Variants in SLCO5A1 observed in about 807,000 individuals in gnomAD.
The protein encoded by SLCO5A1 is organic anion transporter polypeptide-related protein 4.
SLCO5A1 carries 39 observed loss-of-function variants against 65.1 expected under a neutral mutation model. The observed-to-expected ratio is 0.60, with a 90% CI of 0.46 to 0.78. SLCO5A1 has a LOEUF of 0.78. Ranked by LOEUF, SLCO5A1 falls within the 30% of genes least tolerant of loss-of-function variation. SLCO5A1 has a pLI of 0.00. For missense variants in SLCO5A1, 1,029 were observed against 1,069.4 expected, an observed-to-expected ratio of 0.96 and a Z score of 0.53; for synonymous variants, 438 against 415.7, an observed-to-expected ratio of 1.05 and a Z score of -0.65.
chr8:69,777,432 A>C (rs895723229), intron 2 of SLCO5A1, among the ~76,000 whole-genome samples: 1 of 145,582 alleles, frequency 6.9e-6, no homozygotes, highest in Non-Finnish European at 1.5e-5. Flanking sequence ...AAAGAGGCCC[A>C]AAACCACTCT....
chr8:69,785,621 A>C lies in SLCO5A1; in HGVS notation c.908-23746T>G, dbSNP rs112925746. ...TTTGAAGAAGCTGTCTGATCTTTGA[A>C]ATAGTAAGAAATGTACCCAAGTCAC... On this transcript the variant is annotated intron_variant, in intron 2 of 9. Coordinates refer to ENST00000260126, the MANE Select transcript of SLCO5A1 (RefSeq NM_030958.3). Among the ~76,000 whole-genome samples the C allele has an allele frequency of 3.6e-3, 551 of 152,304 alleles. 4 individuals are homozygous for C. Among genetic ancestry groups the C allele is most frequent in the African/African-American group, 0.012 (507 of 41,574 alleles).
At chr8:69,808,353 T>G (rs548383180) in intron 2 of SLCO5A1, among the ~76,000 whole-genome samples, 13 of 152,238 alleles carry the variant, frequency 8.5e-5, no homozygotes, top group Non-Finnish European at 1.9e-4. Flanking sequence ...GGCCCCAGTG[T>G]GTGTTGTTAC....
chr8:69,812,979 T>C (rs114368109), intron 2 of SLCO5A1, among the ~76,000 whole-genome samples: 1 of 152,200 alleles, frequency 6.6e-6, no homozygotes, highest in Non-Finnish European at 1.5e-5. Context: ...TCAGGACACA[T>C]TCCCTTTCCA....
Position 69,672,731 on chromosome 8 carries a change from T to C in SLCO5A1, c.*138A>G. 1 of 896,570 alleles carries C rather than the reference T, an allele frequency of 1.1e-6. No individual in the cohort carries two copies. Among genetic ancestry groups the C allele is most frequent in the Non-Finnish European group, 1.6e-6 (1 of 608,262 alleles). The allele number at this position is 896,570 out of a possible 1,614,324, so 55.5% of individuals were successfully genotyped here. A position where few individuals can be genotyped will look rare whatever the true frequency, so the allele number is the denominator to read the frequency against. ...TCCAGCCCTCAATGAATAGCGGCTG[T>C]GTATACTGAGTTTTGTTGGTTTGAG... On this transcript the variant is annotated 3_prime_UTR_variant, in exon 10 of 10. Coordinates refer to ENST00000260126, the MANE Select transcript of SLCO5A1 (RefSeq NM_030958.3).
At chr8:69,690,791 C>A (rs1255891435) in intron 6 of SLCO5A1, among the ~76,000 whole-genome samples, 2 of 152,176 alleles carry the variant, frequency 1.3e-5, no homozygotes, top group East Asian at 3.8e-4. Flanking sequence ...GAAAACTCTT[C>A]CTGGTCATTT....
chr8:69,816,241 C>T (rs978983094), intron 2 of SLCO5A1, among the ~76,000 whole-genome samples: 1 of 152,064 alleles, frequency 6.6e-6, no homozygotes, highest in African/African-American at 2.4e-5. Flanking sequence ...GTCCTAAACA[C>T]GATGAAATAC....
intron 6 of SLCO5A1, among the ~76,000 whole-genome samples, chr8:69,691,394 C>T (rs1180568204): frequency 6.6e-6 from 1 of 152,078 alleles, no homozygotes. Context: ...TTTAAGTGTA[C>T]AATACAGTAT....
At chr8:69,767,601 G>A (rs1818116513) in intron 2 of SLCO5A1, among the ~76,000 whole-genome samples, 1 of 152,088 alleles carries the variant, frequency 6.6e-6, no homozygotes. Context: ...ATAAGAATAA[G>A]CTGTTTTAGG....
intron 4 of SLCO5A1, among the ~76,000 whole-genome samples, chr8:69,739,592 C>A (rs1816710834): frequency 6.6e-6 from 1 of 152,024 alleles, no homozygotes; most frequent in Non-Finnish European, 1.5e-5. Context: ...TAATTCATAG[C>A]CTCCTGTTGA....
intron 6 of SLCO5A1, among the ~76,000 whole-genome samples, chr8:69,699,615 C>A (rs1253959208): frequency 6.6e-6 from 1 of 152,084 alleles, no homozygotes; most frequent in East Asian, 1.9e-4. Flanking sequence ...CATGAGCAAG[C>A]TAAGGATCAC....
intron 2 of SLCO5A1, among the ~76,000 whole-genome samples, chr8:69,816,819 A>G (rs1415529379): frequency 6.6e-6 from 1 of 152,210 alleles, no homozygotes; most frequent in African/African-American, 2.4e-5. Context: ...AATTCTCATA[A>G]CTGAAGTACA....
At position 69,672,800 on chromosome 8, in the gene SLCO5A1, G is replaced by A; in HGVS notation, c.*69C>T. ...TAAAAAAAAGAAAGAAAGAAAAGAA[G>A]GCACAGTTGTTTCTCAAGTCGCCAT... On this transcript the variant is annotated 3_prime_UTR_variant, in exon 10 of 10. Transcript: ENST00000260126. 2.0e-6 allele frequency: 3 copies of A among 1,483,224 alleles called. No individual in the cohort carries two copies. Among genetic ancestry groups the A allele is most frequent in the Non-Finnish European group, 2.7e-6 (3 of 1,103,914 alleles). The allele number at this position is 1,483,224 out of a possible 1,614,324, so 91.9% of individuals were successfully genotyped here. A position where few individuals can be genotyped will look rare whatever the true frequency, so the allele number is the denominator to read the frequency against.
intron 5 of SLCO5A1, among the ~76,000 whole-genome samples, chr8:69,732,913 T>A (rs1816399302): frequency 6.6e-6 from 1 of 152,042 alleles, no homozygotes. Flanking sequence ...CATAGAAATA[T>A]TTATATACTC....
At chr8:69,700,860 A>T (rs1411671043) in intron 6 of SLCO5A1, among the ~76,000 whole-genome samples, 1 of 151,706 alleles carries the variant, frequency 6.6e-6, no homozygotes, top group Non-Finnish European at 1.5e-5. Flanking sequence ...TATAATAAAA[A>T]GTCTCCCAAG....
chr8:69,775,086 G>A (rs141194277), intron 2 of SLCO5A1, among the ~76,000 whole-genome samples: 62 of 152,176 alleles, frequency 4.1e-4, no homozygotes, highest in East Asian at 1.2e-3. Flanking sequence ...CAGCTGCCAC[G>A]GCAGTCAGGG....
intron 2 of SLCO5A1, among the ~76,000 whole-genome samples, chr8:69,765,618 C>T (rs1488052973): frequency 1.3e-5 from 2 of 152,136 alleles, no homozygotes; most frequent in Admixed American, 6.5e-5. Context: ...CTCTTCCAGT[C>T]GAAAACTCTC....
At position 69,720,031 on chromosome 8, in the gene SLCO5A1, G is replaced by A. The variant is rs151181635; in HGVS notation, c.1424-14802C>T. Among the ~76,000 whole-genome samples the A allele has an allele frequency of 3.3e-5, 5 of 152,262 alleles. No individual in the cohort carries two copies. The East Asian group carries it at 9.6e-4, about 29-fold the overall frequency. On this transcript the variant is annotated intron_variant, in intron 5 of 9. Transcript: ENST00000260126. The stretch of plus-strand genomic sequence containing the variant: ...AGGAAACAGATGACATGGTTCCTGT[G>A]TGCCTACAAAAATTTAAATTTTATT...
intron 2 of SLCO5A1, among the ~76,000 whole-genome samples, chr8:69,815,355 T>G (rs1820360616): frequency 6.6e-6 from 1 of 152,130 alleles, no homozygotes. Context: ...CTCAAAAATA[T>G]TTTCTGTAAA....
chr8:69,794,732 C>T (rs2130896084), intron 2 of SLCO5A1: 1 of 250,578 alleles, frequency 4.0e-6, no homozygotes, highest in South Asian at 5.1e-5. Flanking sequence ...TTAGTTCATT[C>T]TTGCACTGCT....
Sources: allele counts gnomAD v4.1 joint callset (sites outside exome capture counted in the v4.1 genomes callset), GRCh38; gene constraint gnomAD v4.1.1; transcripts MANE v1.5; gene names NCBI Gene and HGNC (gene_info 2026-07-23, HGNC 2026-07-21).